TAC1: variants seen among roughly 807,000 people sequenced by gnomAD.
TAC1 encodes protachykinin-1.
A neutral mutation model predicts 21.7 loss-of-function variants in TAC1; 12 were observed. That is an observed-to-expected ratio of 0.55 (90% CI 0.35 to 0.89). The LOEUF is 0.89. Ranked by LOEUF, TAC1 falls within the 40% of genes least tolerant of loss-of-function variation. The pLI is 0.01. For missense variants in TAC1, 128 were observed against 151.4 expected, an observed-to-expected ratio of 0.85 and a Z score of 0.81; for synonymous variants, 52 against 52.0, an observed-to-expected ratio of 1.00 and a Z score of 0.00.
intron 5 of TAC1, 138 bp from the exon 6 acceptor site, chr7:97,736,161 C>A: frequency 1.7e-6 from 1 of 589,228 alleles, no homozygotes; most frequent in Non-Finnish European, 2.8e-6. Context: ...ATCTTTATTT[C>A]TTCAGTCTCA....
chr7:97,732,669 A>T lies in TAC1; in HGVS notation c.57A>T (p.Ala19=). Residue 19 remains alanine (A), a synonymous_variant, in exon 2 of 7, where the codon GCA becomes GCT. Transcript: ENST00000319273. This position sits in a 1 kb window ranked among gnomAD's most constrained non-coding sequence, Gnocchi z 6.2. ...VFFLVSTQLF[A]EEIGANDDLN... ...TTCTTGTCTCCACTCAGCTGTTTGC[A>T]GAAGAAATAGGAGCCAATGATGATC... 2 of 1,614,070 alleles carry T rather than the reference A, an allele frequency of 1.2e-6. No individual in the cohort carries two copies. The highest frequency in any genetic ancestry group is 8.5e-7 in the Non-Finnish European group (1 of 1,180,024).
chr7:97,733,979 G>A (rs965743985), intron 3 of TAC1, 160 bp downstream of exon 3: 4 of 742,116 alleles, frequency 5.4e-6, no homozygotes, highest in African/African-American at 3.5e-5. Flanking sequence ...ACTAAGGCAC[G>A]CACGGGCCCG....
Position 97,732,885 on chromosome 7 carries a change from A to G in TAC1, c.123+150A>G, listed in dbSNP as rs956566233. 2.9e-6 allele frequency: 3 copies of G among 1,043,616 alleles called. No homozygotes were observed. Among genetic ancestry groups the G allele is most frequent in the Non-Finnish European group, 2.7e-6 (2 of 740,744 alleles). 64.6% of individuals were successfully genotyped at this position (1,043,616 alleles called of 1,614,324 possible). A position where few individuals can be genotyped will look rare whatever the true frequency, so the allele number is the denominator to read the frequency against. On this transcript the variant is annotated intron_variant, in intron 2 of 6. Coordinates refer to ENST00000319273, the MANE Select transcript of TAC1 (RefSeq NM_003182.3). The surrounding 1 kb of genome is among the most constrained non-coding windows in gnomAD (Gnocchi z 6.2). ...GTGCGAGAGGATGGAAAGGGGCACTATTTCCCGGGTTCCCCACGGGATTTT... is the reference window on the plus strand; with the variant it reads ...GTGCGAGAGGATGGAAAGGGGCACTGTTTCCCGGGTTCCCCACGGGATTTT...
chr7:97,739,435 C>T (rs1009552830), intron 6 of TAC1, among the ~76,000 whole-genome samples: 16 of 152,008 alleles, frequency 1.1e-4, no homozygotes, highest in African/African-American at 3.9e-4. Flanking sequence ...TCCTATAAAC[C>T]TCTTTACAAG....
rs764265346 is a variant in TAC1, at chr7:97,732,572, C to T, written c.-9-32C>T. On this transcript the variant is annotated intron_variant, in intron 1 of 6. Transcript: ENST00000319273. The surrounding 1 kb of genome is among the most constrained non-coding windows in gnomAD (Gnocchi z 6.2). ...CCCCTAATAGATACATTATTTCTCT[C>T]TTTGGTGTCTTCTCCTCCTACCCCT... The T allele has an allele frequency of 2.5e-6, 4 of 1,612,790 alleles. No individual in the cohort carries two copies. Among genetic ancestry groups the T allele is most frequent in the Non-Finnish European group, 3.4e-6 (4 of 1,179,456 alleles).
At chr7:97,734,784 A>G (rs1789544891) in intron 4 of TAC1, 42 bp from the exon 5 acceptor site, 1 of 1,506,066 alleles carries the variant, frequency 6.6e-7, no homozygotes, top group East Asian at 2.3e-5. Flanking sequence ...GCATCTTTAA[A>G]AACAAATCTA....
chr7:97,736,370 A>T lies in TAC1; in HGVS notation c.343+18A>T. Reference sequence around the variant, plus strand: ...AAATTCTGGTATGTATGAAATTATGACTGAAAATAGACAGTATCTCAAATC... The same window carrying T: ...AAATTCTGGTATGTATGAAATTATGTCTGAAAATAGACAGTATCTCAAATC... On this transcript the variant is annotated intron_variant, in intron 6 of 6. Transcript: ENST00000319273. 1.3e-6 allele frequency: 2 copies of T among 1,595,096 alleles called. No homozygotes were observed. Among genetic ancestry groups the T allele is most frequent in the Non-Finnish European group, 1.7e-6 (2 of 1,165,670 alleles).
chr7:97,732,630 C>T lies in TAC1; in HGVS notation c.18C>T (p.Ala6=), dbSNP rs1229252304. MKILV[A]LAVFFLVSTQ... ...AATCCAACATGAAAATCCTCGTGGC[C>T]TTGGCAGTCTTTTTTCTTGTCTCCA... is the stretch of plus-strand genomic sequence containing the variant. Residue 6 remains alanine (A), a synonymous_variant, in exon 2 of 7, where the codon GCC becomes GCT. Coordinates refer to ENST00000319273, the MANE Select transcript of TAC1 (RefSeq NM_003182.3). This position sits in a 1 kb window ranked among gnomAD's most constrained non-coding sequence, Gnocchi z 6.2. 1.6e-5 allele frequency: 26 copies of T among 1,613,956 alleles called. No homozygotes were observed. Among genetic ancestry groups the T allele is most frequent in the Non-Finnish European group, 1.9e-5 (22 of 1,180,016 alleles).
chr7:97,734,062 A>C, intron 3 of TAC1, 186 bp from the exon 4 acceptor site: 2 of 690,712 alleles, frequency 2.9e-6, no homozygotes, highest in Non-Finnish European at 4.9e-6. Context: ...TAAAGATCCA[A>C]ACTGACAAAG....
chr7:97,739,827 C>T, intron 6 of TAC1, 47 bp from the exon 7 acceptor site: 1 of 1,452,060 alleles, frequency 6.9e-7, no homozygotes, highest in Non-Finnish European at 9.5e-7. Context: ...GTGTAACTCC[C>T]TCAGTGAATT....
intron 5 of TAC1, among the ~76,000 whole-genome samples, 192 bp downstream of exon 5, chr7:97,735,041 A>G (rs1789550213): frequency 6.6e-6 from 1 of 152,166 alleles, no homozygotes; most frequent in Non-Finnish European, 1.5e-5. Context: ...CTTAGCAAAG[A>G]GATGCATTAT....
At chr7:97,733,933 G>A (rs994145838) in intron 3 of TAC1, 114 bp downstream of exon 3, 4 of 1,083,904 alleles carry the variant, frequency 3.7e-6, no homozygotes, top group Admixed American at 2.2e-5. Context: ...TCCAAGAGGG[G>A]TGTAATTCCC....
In TAC1 at chr7:97,739,927, A is replaced by G; in HGVS notation, c.*7A>G. On this transcript the variant is annotated 3_prime_UTR_variant, in exon 7 of 7. Transcript: ENST00000319273. Reference sequence around the variant, plus strand: ...TTATGAAAGAAGACGTTAATAAACTACCTAACATTATTTATTCAGCTTCAT... The same window carrying G: ...TTATGAAAGAAGACGTTAATAAACTGCCTAACATTATTTATTCAGCTTCAT... 6.3e-7 allele frequency: 1 copy of G among 1,595,554 alleles called. No individual in the cohort carries two copies. The highest frequency in any genetic ancestry group is 1.3e-5 in the African/African-American group (1 of 74,406).
intron 5 of TAC1, 141 bp downstream of exon 5, chr7:97,734,990 T>A: frequency 3.2e-6 from 2 of 615,470 alleles, no homozygotes; most frequent in East Asian, 5.8e-5. Context: ...ATGGGGGAGA[T>A]TCATATTACA....
At position 97,734,309 on chromosome 7, in the gene TAC1, ATCTT is replaced by A; in HGVS notation, c.265+19_265+22del. 5 of 1,606,498 alleles carry A rather than the reference ATCTT, an allele frequency of 3.1e-6. No individual in the cohort carries two copies. Among genetic ancestry groups the A allele is most frequent in the Non-Finnish European group, 4.3e-6 (5 of 1,173,936 alleles). ...CTCTTTATGGTAAACATTCCTATAA[ATCTT>A]TATTTTACTATTGTGAAAGCACATG... On this transcript the variant is annotated intron_variant, in intron 4 of 6. Transcript: ENST00000319273.
chr7:97,733,859 G>C (rs373629494), intron 3 of TAC1, 40 bp downstream of exon 3: 2 of 1,583,898 alleles, frequency 1.3e-6, no homozygotes, highest in Admixed American at 1.7e-5. Context: ...TGGGCAGCCC[G>C]CCCTGTCTGC....
At chr7:97,738,230 T>C (rs1348328663) in intron 6 of TAC1, among the ~76,000 whole-genome samples, 2 of 151,954 alleles carry the variant, frequency 1.3e-5, no homozygotes, top group African/African-American at 4.8e-5. Flanking sequence ...CCCTCTGATC[T>C]TTACCCACTC....
In TAC1 at chr7:97,732,717, C is replaced by T; in HGVS notation, c.105C>T (p.Tyr35=). Reference sequence around the variant, plus strand: ...ATCTGAATTACTGGTCCGACTGGTACGACAGCGACCAGATCAAGGTGAGGC... The same window carrying T: ...ATCTGAATTACTGGTCCGACTGGTATGACAGCGACCAGATCAAGGTGAGGC... ...NDDLNYWSDW[Y]DSDQIKEELP... The change falls in exon 2 of 7, where the codon TAC becomes TAT. Residue 35 remains tyrosine (Y), a synonymous_variant. Transcript: ENST00000319273. The surrounding 1 kb of genome is among the most constrained non-coding windows in gnomAD (Gnocchi z 6.2). 6.2e-7 allele frequency: 1 copy of T among 1,613,926 alleles called. No homozygotes were observed. The highest frequency in any genetic ancestry group is 1.1e-5 in the South Asian group (1 of 91,068).
intron 6 of TAC1, among the ~76,000 whole-genome samples, chr7:97,737,801 T>C (rs769863749): frequency 6.6e-6 from 1 of 152,050 alleles, no homozygotes; most frequent in Non-Finnish European, 1.5e-5. Flanking sequence ...ATATGTATTA[T>C]CTTCCCACTT....
Sources: allele counts gnomAD v4.1 joint callset (sites outside exome capture counted in the v4.1 genomes callset), GRCh38; gene constraint gnomAD v4.1.1; non-coding constraint Gnocchi (gnomAD v3.1); transcripts MANE v1.5; gene names NCBI Gene and HGNC (gene_info 2026-07-23, HGNC 2026-07-21).